Variants in CNTNAP2 observed in about 807,000 individuals in gnomAD.
CNTNAP2 encodes contactin-associated protein-like 2.
CNTNAP2 carries 98 observed loss-of-function variants against 155.2 expected under a neutral mutation model. That is an observed-to-expected ratio of 0.63 (90% CI 0.54 to 0.75). The LOEUF is 0.75. Ranked by LOEUF, CNTNAP2 falls within the 30% of genes least tolerant of loss-of-function variation. The probability of loss-of-function intolerance (pLI) is 0.00; values close to 1 mark genes in which losing one functional copy is unlikely to be tolerated. For missense variants in CNTNAP2, 1,727 were observed against 1,688.1 expected (o/e 1.02, Z -0.40); for synonymous variants, 651 against 631.2 (o/e 1.03, Z -0.47).
intron 1 of CNTNAP2, among the ~76,000 whole-genome samples, chr7:146,568,857 C>T (rs1326217561): frequency 6.6e-6 from 1 of 152,086 alleles, no homozygotes; most frequent in African/African-American, 2.4e-5. Context: ...ACTTCCTAAA[C>T]TTAATGGAGT....
At chr7:146,909,169 C>T (rs1265672925) in intron 3 of CNTNAP2, among the ~76,000 whole-genome samples, 1 of 151,814 alleles carries the variant, frequency 6.6e-6, no homozygotes, top group Non-Finnish European at 1.5e-5. Context: ...CAATAGTTTA[C>T]CAACCAAAAA....
chr7:148,126,988 GTC>G (rs78360118), intron 16 of CNTNAP2, among the ~76,000 whole-genome samples: 40,017 of 151,940 alleles, frequency 0.26, 5,407 homozygotes, highest in East Asian at 0.34. Context: ...TGACCATAGA[GTC>G]TATTTTTGTT....
intron 8 of CNTNAP2, among the ~76,000 whole-genome samples, chr7:147,206,545 C>G (rs1803027799): frequency 6.6e-6 from 1 of 152,036 alleles, no homozygotes; most frequent in Non-Finnish European, 1.5e-5. Context: ...CCTGGGTTCT[C>G]TATCTCCAAT....
intron 1 of CNTNAP2, among the ~76,000 whole-genome samples, chr7:146,235,954 G>A (rs1337980796): frequency 1.4e-5 from 1 of 72,232 alleles, no homozygotes; most frequent in Admixed American, 1.7e-4. Flanking sequence ...ATATGGAAAT[G>A]TGTGTGTGTG....
chr7:146,391,162 G>A (rs1017284418), intron 1 of CNTNAP2, among the ~76,000 whole-genome samples: 2 of 148,412 alleles, frequency 1.3e-5, no homozygotes, highest in East Asian at 3.9e-4. Flanking sequence ...AATAGGCTGG[G>A]GATGTTTTAT....
At chr7:146,345,520 C>T (rs780764382) in intron 1 of CNTNAP2, among the ~76,000 whole-genome samples, 4 of 152,128 alleles carry the variant, frequency 2.6e-5, no homozygotes, top group Non-Finnish European at 5.9e-5. Flanking sequence ...CAAAATGCTA[C>T]GCTGAAGAGA....
In CNTNAP2 at chr7:146,426,185, C is replaced by CAAAAAAAAAAAAAAAA. The variant is rs57484419; in HGVS notation, c.97+309222_97+309237dup. Among the ~76,000 whole-genome samples the CAAAAAAAAAAAAAAAA allele has an allele frequency of 2.6e-3, 143 of 54,626 alleles. 3 individuals are homozygous for CAAAAAAAAAAAAAAAA. The highest frequency in any genetic ancestry group is 7.4e-3 in the African/African-American group (99 of 13,456). The allele number at this position is 54,626 out of a possible 152,430, so 35.8% of individuals were successfully genotyped here. ...TGGGCTACAGAGTGAGACTTCGCCT[C>CAAAAAAAAAAAAAAAA]AAAAAAAAAAAAAAAAAAAAAAAAA... On this transcript the variant is annotated intron_variant, in intron 1 of 23. Coordinates refer to ENST00000361727, the MANE Select transcript of CNTNAP2 (RefSeq NM_014141.6).
intron 8 of CNTNAP2, among the ~76,000 whole-genome samples, chr7:147,263,824 CTAAA>C (rs1186958349): frequency 4.6e-5 from 7 of 152,106 alleles, no homozygotes; most frequent in African/African-American, 1.4e-4. Flanking sequence ...CTCCATCTCC[CTAAA>C]TAATTAAAAA....
intron 22 of CNTNAP2, among the ~76,000 whole-genome samples, chr7:148,394,690 C>G (rs1799427847): frequency 6.6e-6 from 1 of 152,220 alleles, no homozygotes; most frequent in Admixed American, 6.5e-5. Context: ...TGCTTAGAAT[C>G]ACCTGGGGGA....
chr7:148,127,261 C>T (rs944447212), intron 16 of CNTNAP2, among the ~76,000 whole-genome samples: 1 of 152,026 alleles, frequency 6.6e-6, no homozygotes, highest in Non-Finnish European at 1.5e-5. Flanking sequence ...TGCACTCCAG[C>T]CCAGGTGACA....
At chr7:147,753,499 T>G (rs1797170110) in intron 13 of CNTNAP2, among the ~76,000 whole-genome samples, 1 of 152,198 alleles carries the variant, frequency 6.6e-6, no homozygotes, top group African/African-American at 2.4e-5. Flanking sequence ...GCAATTAAAA[T>G]AAATTATGTA....
chr7:147,652,555 G>A (rs1418993360), intron 13 of CNTNAP2, among the ~76,000 whole-genome samples: 4 of 151,946 alleles, frequency 2.6e-5, no homozygotes, highest in Admixed American at 6.6e-5. Flanking sequence ...GTTGTATATC[G>A]GAATTTCTAT....
intron 7 of CNTNAP2, 75 bp from the exon 8 acceptor site, chr7:147,132,170 A>G (rs1584745767): frequency 6.3e-7 from 1 of 1,579,780 alleles, no homozygotes. Flanking sequence ...GTAGAACTAT[A>G]CTTTCATCAG....
At chr7:147,775,229 ATATATATATATATT>A (rs1163833843) in intron 13 of CNTNAP2, among the ~76,000 whole-genome samples, 2 of 94,734 alleles carry the variant, frequency 2.1e-5, no homozygotes, top group African/African-American at 1.1e-4. Flanking sequence ...TACAAAAGAA[ATATATATATATATT>A]TATATATATA....
chr7:147,274,270 AAT>A (rs912879370), intron 8 of CNTNAP2, among the ~76,000 whole-genome samples: 35 of 152,202 alleles, frequency 2.3e-4, no homozygotes, highest in African/African-American at 8.2e-4. Context: ...ATTTCCCACC[AAT>A]GTTATATAAG....
At chr7:148,083,197 C>A (rs1194811108) in intron 15 of CNTNAP2, among the ~76,000 whole-genome samples, 1 of 152,066 alleles carries the variant, frequency 6.6e-6, no homozygotes, top group Non-Finnish European at 1.5e-5. Context: ...ATGGGAGATA[C>A]CTGAAAGCAG....
intron 1 of CNTNAP2, among the ~76,000 whole-genome samples, chr7:146,341,293 G>GTGAT (rs1403965365): frequency 2.0e-5 from 3 of 152,044 alleles, no homozygotes; most frequent in East Asian, 3.9e-4. Flanking sequence ...TACAAGAAAT[G>GTGAT]TGATAGATCA....
chr7:146,658,141 G>A (rs1563175865), intron 1 of CNTNAP2, among the ~76,000 whole-genome samples: 1 of 152,110 alleles, frequency 6.6e-6, no homozygotes. Context: ...CTAACTTATG[G>A]CTCAGACTGA....
intron 1 of CNTNAP2, among the ~76,000 whole-genome samples, chr7:146,493,254 C>A (rs1040627886): frequency 6.6e-6 from 1 of 152,124 alleles, no homozygotes; most frequent in African/African-American, 2.4e-5. Flanking sequence ...GATGTCAAAT[C>A]TATCCCTGAC....
Sources: gnomAD v4.1 joint callset for allele counts (sites outside exome capture counted in the v4.1 genomes callset) on GRCh38, gnomAD v4.1.1 for gene constraint, MANE v1.5 for transcripts, NCBI Gene and HGNC (gene_info 2026-07-23, HGNC 2026-07-21) for gene names.